EZH2: variants seen among roughly 807,000 people sequenced by gnomAD.
EZH2 encodes the protein enhancer of zeste 2 polycomb repressive complex 2 subunit.
A neutral mutation model predicts 98.4 loss-of-function variants in EZH2; 18 were observed. The ratio of observed to expected loss-of-function variants is 0.18; its 90% CI spans 0.13 to 0.27. The LOEUF is 0.27. Among genes scored for constraint, EZH2 ranks in the 10% least tolerant of loss-of-function variants. EZH2 has a pLI of 1.00. For missense variants in EZH2, 470 were observed against 935.1 expected (o/e 0.50, Z 6.49); for synonymous variants, 338 against 312.3 (o/e 1.08, Z -0.87).
At chr7:148,825,211 A>T (rs558643301) in intron 8 of EZH2, among the ~76,000 whole-genome samples, 2 of 152,334 alleles carry the variant, frequency 1.3e-5, no homozygotes, top group African/African-American at 4.8e-5. Flanking sequence ...TGTAATTCAT[A>T]AATTCATGGT....
In EZH2 at chr7:148,808,259, C is replaced by G. The variant is rs1349855607; in HGVS notation, c.2196-553G>C. Among the ~76,000 whole-genome samples the G allele has an allele frequency of 7.9e-5, 12 of 152,232 alleles. No individual in the cohort carries two copies. The East Asian group carries it at 9.6e-4, about 12-fold the overall frequency. On this transcript the variant is annotated intron_variant, in intron 19 of 19. Transcript: ENST00000320356. ...CCCACACTCTTCATTCAGAGCCAGC[C>G]TGGAGTGAAGGCAGCGGCCTTTGCT...
intron 7 of EZH2, 147 bp downstream of exon 7, chr7:148,827,016 CA>C (rs761422061): frequency 5.1e-6 from 3 of 592,962 alleles, no homozygotes; most frequent in Non-Finnish European, 5.9e-6. Flanking sequence ...CAGAGTACCA[CA>C]AGTACACATG....
chr7:148,855,186 T>C (rs1816609896), intron 1 of EZH2, among the ~76,000 whole-genome samples: 1 of 152,270 alleles, frequency 6.6e-6, no homozygotes, highest in Non-Finnish European at 1.5e-5. Context: ...TTATTGGCCT[T>C]AGGCCAGGCC....
intron 1 of EZH2, among the ~76,000 whole-genome samples, chr7:148,861,473 C>T (rs1817657700): frequency 6.6e-6 from 1 of 152,090 alleles, no homozygotes; most frequent in Non-Finnish European, 1.5e-5. Flanking sequence ...GTGATCCACC[C>T]GGATTGGCCT....
At chr7:148,809,042 A>G (rs1802334926) in intron 19 of EZH2, 29 bp downstream of exon 19, 1 of 1,582,538 alleles carries the variant, frequency 6.3e-7, no homozygotes, top group Admixed American at 1.7e-5. Context: ...AAGCCCTTAG[A>G]GATCATGCTA....
chr7:148,819,165 A>C (rs1805329322), intron 9 of EZH2: 1 of 416,956 alleles, frequency 2.4e-6, no homozygotes, highest in African/African-American at 2.1e-5. Flanking sequence ...CATTTAAAAA[A>C]AAAAAATCTG....
intron 17 of EZH2, among the ~76,000 whole-genome samples, 180 bp from the exon 18 acceptor site, chr7:148,809,570 G>A (rs936303599): frequency 2.0e-5 from 3 of 151,256 alleles, no homozygotes; most frequent in Non-Finnish European, 4.4e-5. Context: ...ATTGTTCCAG[G>A]TTAAAATTAA....
chr7:148,810,417 AAAAAG>A lies in EZH2; in HGVS notation c.1948-8_1948-4del, dbSNP rs1233925623. ...TCAGCTTCATCTTGAGAAATAATCT[AAAAAG>A]AAAGACACAGGAGAAAATTCTTTTG... is the stretch of plus-strand genomic sequence containing the variant. On this transcript the variant is annotated splice_polypyrimidine_tract_variant and splice_region_variant and intron_variant, in intron 16 of 19. Transcript: ENST00000320356. 6.2e-7 allele frequency: 1 copy of A among 1,602,082 alleles called. No homozygotes were observed. Among genetic ancestry groups the A allele is most frequent in the Non-Finnish European group, 8.5e-7 (1 of 1,169,772 alleles).
In EZH2 at chr7:148,818,043, G is replaced by A. The variant is rs756724559; in HGVS notation, c.1074C>T (p.Arg358=). ...TGTTATTGGGAAGCCGTCCTCTTCT[G>A]CGGCCTCCTGGACGTTTTGGTGGGG... ...IKTPPKRPGG[R]RRGRLPNNSS... The change falls in exon 10 of 20, where the codon CGC becomes CGT. Residue 358 remains arginine (R), a synonymous_variant. Coordinates refer to ENST00000320356, the MANE Select transcript of EZH2 (RefSeq NM_004456.5). The A allele has an allele frequency of 1.2e-6, 2 of 1,614,158 alleles. No individual in the cohort carries two copies. The highest frequency in any genetic ancestry group is 2.2e-5 in the East Asian group (1 of 44,892).
chr7:148,814,384 G>T (rs901093567), intron 14 of EZH2, among the ~76,000 whole-genome samples: 1 of 151,934 alleles, frequency 6.6e-6, no homozygotes, highest in African/African-American at 2.4e-5. Context: ...ATTTAAAGTC[G>T]GTGTGAATAA....
At chr7:148,854,391 G>T (rs975340105) in intron 1 of EZH2, among the ~76,000 whole-genome samples, 1 of 150,626 alleles carries the variant, frequency 6.6e-6, no homozygotes, top group Non-Finnish European at 1.5e-5. Flanking sequence ...AGCCGAGATC[G>T]TGCCACTGCA....
In EZH2 at chr7:148,810,363, T is replaced by C; in HGVS notation, c.1999A>G (p.Met667Val). 1 of 1,611,264 alleles carries C rather than the reference T, an allele frequency of 6.2e-7. No homozygotes were observed. Among genetic ancestry groups the C allele is most frequent in the Non-Finnish European group, 8.5e-7 (1 of 1,177,662 alleles). Residue 667 changes from methionine to valine, a missense_variant, in exon 17 of 20, where the codon ATG (methionine) becomes GTG (valine). Around this residue, in one of 6 missense-constraint regions of EZH2, gnomAD observed 106 missense variants for 327.2 expected, o/e 0.32. Transcript: ENST00000320356. ...DRRGKVYDKY[M>V]CSFLFNLNND... is the part of the protein sequence containing the mutation. ...TTCAAGTTGAACAGAAAGCTGCACA[T>C]GTATTTATCATACACTTTCCCTCTT...
chr7:148,871,247 C>A (rs1039323559), intron 1 of EZH2, among the ~76,000 whole-genome samples: 2 of 151,888 alleles, frequency 1.3e-5, no homozygotes, highest in African/African-American at 4.8e-5. Flanking sequence ...GTGGGTAGGA[C>A]TGTAAAAATC....
Position 148,832,652 on chromosome 7 carries a change from G to A in EZH2, c.345C>T (p.Pro115=). The A allele has an allele frequency of 6.3e-7, 1 of 1,586,346 alleles. No individual in the cohort carries two copies. The highest frequency in any genetic ancestry group is 1.1e-5 in the South Asian group (1 of 88,290). The change falls in exon 4 of 20, where the codon CCC becomes CCT. Residue 115 remains proline (P), a synonymous_variant. Coordinates refer to ENST00000320356, the MANE Select transcript of EZH2 (RefSeq NM_004456.5). ...ASVPIMYSWS[P]LQQNFMVEDE... ...TACATACCATAAAATTCTGCTGTAG[G>A]GGAGACCAAGAATACATTATGGGTA...
intron 1 of EZH2, among the ~76,000 whole-genome samples, chr7:148,878,219 T>C (rs575735039): frequency 1.3e-3 from 205 of 152,204 alleles, no homozygotes; most frequent in Non-Finnish European, 2.5e-3. Flanking sequence ...ATCTCCAGAA[T>C]TTTTTCACCA....
chr7:148,810,914 A>AT (rs1802870552), intron 16 of EZH2, among the ~76,000 whole-genome samples: 1 of 151,662 alleles, frequency 6.6e-6, no homozygotes, highest in Admixed American at 6.6e-5. Context: ...AAAAAAAAAA[A>AT]AAAAAAAATT....
chr7:148,852,907 C>G (rs1413884580), intron 1 of EZH2, among the ~76,000 whole-genome samples: 1 of 152,170 alleles, frequency 6.6e-6, no homozygotes. Context: ...GGACCCCCAA[C>G]AGATACCAAA....
At chr7:148,829,212 C>G (rs1808604403) in intron 5 of EZH2, among the ~76,000 whole-genome samples, 1 of 152,144 alleles carries the variant, frequency 6.6e-6, no homozygotes, top group African/African-American at 2.4e-5. Flanking sequence ...ACCCTGCTTT[C>G]TGCTGATAAT....
Position 148,870,755 on chromosome 7 carries a change from C to A in EZH2, c.-8+13409G>T, listed in dbSNP as rs116098162. 2.9e-3 allele frequency among the ~76,000 whole-genome samples: 430 copies of A among 150,358 alleles called. 2 individuals are homozygous for A. The highest frequency in any genetic ancestry group is 9.9e-3 in the African/African-American group (406 of 40,962). On this transcript the variant is annotated intron_variant, in intron 1 of 19. Transcript: ENST00000320356. Reference sequence around the variant, plus strand: ...TACCAGCCAGGCCAACATGGTGAAACCCCGACTCTATAAAAATGCAAAAAT... The same window carrying A: ...TACCAGCCAGGCCAACATGGTGAAAACCCGACTCTATAAAAATGCAAAAAT...
Sources: gnomAD v4.1 joint callset for allele counts (sites outside exome capture counted in the v4.1 genomes callset) on GRCh38, gnomAD v4.1.1 for gene constraint, gnomAD v4.1.1 regional missense constraint, MANE v1.5 for transcripts, NCBI Gene and HGNC (gene_info 2026-07-23, HGNC 2026-07-21) for gene names.